Variants in KLHL32 observed in about 807,000 individuals in gnomAD.
The protein encoded by KLHL32 is kelch like family member 32, also known as kelch-like protein 32.
In KLHL32, 35 loss-of-function variants were observed where a neutral mutation model predicts 64.8. The observed-to-expected ratio is 0.54, with a 90% CI of 0.41 to 0.72. The LOEUF is 0.72. KLHL32 is among the 30% of genes least tolerant of loss of function. The pLI is 0.00. For synonymous variants in KLHL32, 259 were observed against 281.0 expected (o/e 0.92, Z 0.78); for missense variants, 589 against 768.5 (o/e 0.77, Z 2.76).
At chr6:97,001,593 G>A (rs1360889095) in intron 3 of KLHL32, among the ~76,000 whole-genome samples, 2 of 152,120 alleles carry the variant, frequency 1.3e-5, no homozygotes, top group East Asian at 1.9e-4. Flanking sequence ...TCAGCCTCAC[G>A]AGTAGTTGAG....
intron 1 of KLHL32, among the ~76,000 whole-genome samples, chr6:96,966,143 A>G (rs1211924739): frequency 6.6e-6 from 1 of 152,218 alleles, no homozygotes; most frequent in Non-Finnish European, 1.5e-5. Flanking sequence ...TGCTTTCCAA[A>G]ATAAAATTGA....
intron 5 of KLHL32, among the ~76,000 whole-genome samples, chr6:97,079,909 G>T (rs563072676): frequency 6.6e-5 from 10 of 152,156 alleles, no homozygotes; most frequent in African/African-American, 2.2e-4. Context: ...AGAGTTTCTT[G>T]TTGCTGAGCT....
intron 7 of KLHL32, among the ~76,000 whole-genome samples, chr6:97,124,703 G>A (rs186760132): frequency 6.6e-6 from 1 of 152,202 alleles, no homozygotes; most frequent in Admixed American, 6.5e-5. Flanking sequence ...CTTTGCCCTC[G>A]GTTCCATTTC....
At chr6:97,132,902 T>C (rs1458371216) in intron 10 of KLHL32, among the ~76,000 whole-genome samples, 155 bp downstream of exon 10, 2 of 152,212 alleles carry the variant, frequency 1.3e-5, no homozygotes, top group African/African-American at 2.4e-5. Flanking sequence ...CTTCATCCTG[T>C]ATCCTAAAAA....
chr6:96,940,782 A>T (rs1024243352), intron 1 of KLHL32, among the ~76,000 whole-genome samples: 9 of 152,208 alleles, frequency 5.9e-5, no homozygotes, highest in African/African-American at 2.2e-4. Flanking sequence ...CATTTAGCAG[A>T]CGTTATTGGA....
intron 7 of KLHL32, among the ~76,000 whole-genome samples, chr6:97,125,196 T>C (rs1490957696): frequency 2.0e-5 from 3 of 152,206 alleles, no homozygotes; most frequent in Non-Finnish European, 4.4e-5. Context: ...AAGCCAATTA[T>C]ATGAAAGATA....
chr6:96,912,280 G>A, the KLHL32 span, among the ~76,000 whole-genome samples: 5 of 152,016 alleles, frequency 3.3e-5, no homozygotes, highest in African/African-American at 1.2e-4. Flanking sequence ...GCTGCCATAC[G>A]GAGGCTGCAG....
chr6:96,986,975 C>T (rs1190568323), intron 3 of KLHL32, among the ~76,000 whole-genome samples: 1 of 152,224 alleles, frequency 6.6e-6, no homozygotes, highest in Non-Finnish European at 1.5e-5. Flanking sequence ...ACGCTGGGAG[C>T]TGTAGACTGG....
intron 5 of KLHL32, among the ~76,000 whole-genome samples, chr6:97,082,286 G>A (rs1792663201): frequency 6.6e-6 from 1 of 152,146 alleles, no homozygotes; most frequent in Non-Finnish European, 1.5e-5. Flanking sequence ...TCTAAAAGAG[G>A]AGATACAGGA....
chr6:97,119,062 G>A (rs1206149), intron 7 of KLHL32, among the ~76,000 whole-genome samples: 62,202 of 151,938 alleles, frequency 0.41, 13,188 homozygotes, highest in South Asian at 0.51. Context: ...GAACTTCATG[G>A]TCCAATCACT....
chr6:96,911,367 C>G, the KLHL32 span, among the ~76,000 whole-genome samples: 1 of 151,976 alleles, frequency 6.6e-6, no homozygotes, highest in Non-Finnish European at 1.5e-5. Context: ...CCTGAGGGAC[C>G]TAGAACCAAC....
intron 5 of KLHL32, among the ~76,000 whole-genome samples, chr6:97,077,097 A>G (rs540065781): frequency 1.3e-5 from 2 of 152,114 alleles, no homozygotes; most frequent in South Asian, 4.1e-4. Context: ...CTGGAGAGAG[A>G]AGAGTCAAAC....
chr6:97,010,096 G>A (rs1416003780), intron 3 of KLHL32: 2 of 145,774 alleles, frequency 1.4e-5, no homozygotes, highest in Non-Finnish European at 3.0e-5. Flanking sequence ...CTAGACTTAG[G>A]GTAAGGAAAA....
At chr6:97,006,700 C>T (rs1206092) in intron 3 of KLHL32, among the ~76,000 whole-genome samples, 12,225 of 152,146 alleles carry the variant, frequency 0.08, 625 homozygotes, top group Non-Finnish European at 0.12. Flanking sequence ...TAATGAATTC[C>T]TGTACCATTT....
intron 7 of KLHL32, among the ~76,000 whole-genome samples, chr6:97,124,958 G>T (rs1798727596): frequency 6.6e-6 from 1 of 152,096 alleles, no homozygotes. Flanking sequence ...GACTATATAG[G>T]CATTTCAGCC....
chr6:96,919,257 T>C, the KLHL32 span, among the ~76,000 whole-genome samples: 5 of 152,152 alleles, frequency 3.3e-5, no homozygotes, highest in Non-Finnish European at 5.9e-5. Flanking sequence ...AATGAGGTTA[T>C]CAATAATCAA....
At chr6:96,983,953 T>C (rs918371842) in intron 3 of KLHL32, among the ~76,000 whole-genome samples, 1 of 152,210 alleles carries the variant, frequency 6.6e-6, no homozygotes, top group African/African-American at 2.4e-5. Flanking sequence ...GCTTCTCTAG[T>C]TCTTTTAATG....
At chr6:97,129,609 C>T (rs1269916241) in intron 8 of KLHL32, among the ~76,000 whole-genome samples, 1 of 152,104 alleles carries the variant, frequency 6.6e-6, no homozygotes. Flanking sequence ...CAGCAGGGTG[C>T]GGTGGTTCAC....
At chr6:97,037,826 A>C (rs927527087) in intron 3 of KLHL32, among the ~76,000 whole-genome samples, 7 of 152,184 alleles carry the variant, frequency 4.6e-5, no homozygotes, top group Non-Finnish European at 1.0e-4. Flanking sequence ...AAACAGACAC[A>C]TAGATCAATG....
Sources: gnomAD v4.1 joint callset for allele counts (sites outside exome capture counted in the v4.1 genomes callset) on GRCh38, gnomAD v4.1.1 for gene constraint, MANE v1.5 for transcripts, NCBI Gene and HGNC (gene_info 2026-07-23, HGNC 2026-07-21) for gene names.